HS6ST3: variants seen among roughly 807,000 people sequenced by gnomAD.
The protein encoded by HS6ST3 is heparan-sulfate 6-O-sulfotransferase 3.
In HS6ST3, 12 loss-of-function variants were observed where a neutral mutation model predicts 36.7. The ratio of observed to expected loss-of-function variants is 0.33; its 90% CI spans 0.21 to 0.53. The LOEUF (loss-of-function observed/expected upper bound fraction) is 0.53, where lower values mean the gene tolerates loss of function less well. Ranked by LOEUF, HS6ST3 falls within the 20% of genes least tolerant of loss-of-function variation. The pLI is 0.95. For synonymous variants in HS6ST3, 240 were observed against 257.5 expected (o/e 0.93, Z 0.65); for missense variants, 584 against 640.9 (o/e 0.91, Z 0.96).
intron 1 of HS6ST3, among the ~76,000 whole-genome samples, chr13:96,827,492 G>A (rs1878673828): frequency 5.3e-5 from 8 of 152,158 alleles, no homozygotes; most frequent in Admixed American, 5.2e-4. Context: ...CAAACAAAAT[G>A]TACATGAGAA....
At chr13:96,269,435 G>A (rs1003941600) in intron 1 of HS6ST3, among the ~76,000 whole-genome samples, 11 of 151,926 alleles carry the variant, frequency 7.2e-5, no homozygotes, top group African/African-American at 1.9e-4. Context: ...AAATGTGACC[G>A]CTTTGTGCGT....
chr13:96,452,742 T>G (rs2055734250), intron 1 of HS6ST3, among the ~76,000 whole-genome samples: 1 of 152,218 alleles, frequency 6.6e-6, no homozygotes, highest in African/African-American at 2.4e-5. Context: ...TATTCTTCTA[T>G]GTTTTTTATT....
At chr13:96,509,018 G>GT (rs2056038075) in intron 1 of HS6ST3, among the ~76,000 whole-genome samples, 1 of 152,058 alleles carries the variant, frequency 6.6e-6, no homozygotes, top group African/African-American at 2.4e-5. Flanking sequence ...AACATCTCTT[G>GT]TTTTTTGACT....
intron 1 of HS6ST3, among the ~76,000 whole-genome samples, chr13:96,370,709 C>T (rs1031436674): frequency 2.0e-5 from 3 of 152,210 alleles, no homozygotes; most frequent in Admixed American, 1.3e-4. Context: ...ATCAGGAGTT[C>T]GAGACCAGCC....
At chr13:96,769,734 CTGTGTGTGTGTGTGTGTG>C (rs66777701) in intron 1 of HS6ST3, among the ~76,000 whole-genome samples, 32 of 140,308 alleles carry the variant, frequency 2.3e-4, no homozygotes, top group Non-Finnish European at 4.1e-4. Flanking sequence ...ATTCCTAGCT[CTGTGTGTGTGTGTGTGTG>C]TGTGTGTGTG....
chr13:96,160,756 G>T (rs1006409401), intron 1 of HS6ST3, among the ~76,000 whole-genome samples: 1 of 152,222 alleles, frequency 6.6e-6, no homozygotes, highest in Non-Finnish European at 1.5e-5. Context: ...CTTATTTTCT[G>T]CTCCCAGAGG....
At chr13:96,386,480 T>A (rs1046800044) in intron 1 of HS6ST3, among the ~76,000 whole-genome samples, 1 of 152,194 alleles carries the variant, frequency 6.6e-6, no homozygotes, top group Non-Finnish European at 1.5e-5. Flanking sequence ...TCCCCCCAGC[T>A]TTATTGAGGA....
At chr13:96,786,040 G>C (rs1877639449) in intron 1 of HS6ST3, among the ~76,000 whole-genome samples, 1 of 152,062 alleles carries the variant, frequency 6.6e-6, no homozygotes, top group Non-Finnish European at 1.5e-5. Context: ...TAACCTAGGG[G>C]GCTCTACAGG....
At chr13:96,150,192 C>G (rs1339019979) in intron 1 of HS6ST3, among the ~76,000 whole-genome samples, 1 of 152,020 alleles carries the variant, frequency 6.6e-6, no homozygotes, top group Non-Finnish European at 1.5e-5. Flanking sequence ...AAGAGGGGAC[C>G]CTGAAAGCTG....
At chr13:96,677,225 G>T (rs1044566613) in intron 1 of HS6ST3, among the ~76,000 whole-genome samples, 1 of 152,020 alleles carries the variant, frequency 6.6e-6, no homozygotes, top group African/African-American at 2.4e-5. Context: ...GGGTTTGTTT[G>T]CATTTTGATA....
chr13:96,660,580 G>C (rs1372205485), intron 1 of HS6ST3, among the ~76,000 whole-genome samples: 1 of 152,028 alleles, frequency 6.6e-6, no homozygotes, highest in East Asian at 1.9e-4. Context: ...ACTCCTAAAA[G>C]AAAACACAGG....
At chr13:96,717,012 G>C (rs1259763226) in intron 1 of HS6ST3, among the ~76,000 whole-genome samples, 1 of 152,154 alleles carries the variant, frequency 6.6e-6, no homozygotes, top group Non-Finnish European at 1.5e-5. Flanking sequence ...ATTAGCTAAC[G>C]AGACCTGTGA....
At chr13:96,776,103 C>T (rs967055433) in intron 1 of HS6ST3, among the ~76,000 whole-genome samples, 39 of 152,076 alleles carry the variant, frequency 2.6e-4, no homozygotes, top group African/African-American at 9.2e-4. Context: ...GGGTAAATAA[C>T]GAAATGAAGG....
At chr13:96,665,031 G>A (rs752418878) in intron 1 of HS6ST3, among the ~76,000 whole-genome samples, 13 of 152,072 alleles carry the variant, frequency 8.5e-5, no homozygotes, top group South Asian at 4.1e-4. Context: ...AATTTGCTGG[G>A]CATGGTGGTG....
chr13:96,698,944 T>C (rs564165830), intron 1 of HS6ST3, among the ~76,000 whole-genome samples: 56 of 152,168 alleles, frequency 3.7e-4, no homozygotes, highest in African/African-American at 1.2e-3. Context: ...GAAATAATGC[T>C]GCATATCTAC....
intron 1 of HS6ST3, among the ~76,000 whole-genome samples, chr13:96,301,790 A>T (rs1433712859): frequency 6.6e-6 from 1 of 151,280 alleles, no homozygotes; most frequent in African/African-American, 2.4e-5. Flanking sequence ...GGTGCCTTTA[A>T]TCCCAGCTAC....
chr13:96,313,869 T>C (rs1296167102), intron 1 of HS6ST3, among the ~76,000 whole-genome samples: 1 of 152,170 alleles, frequency 6.6e-6, no homozygotes, highest in South Asian at 2.1e-4. Flanking sequence ...TAGACGAGAT[T>C]GACTTGATTG....
intron 1 of HS6ST3, among the ~76,000 whole-genome samples, chr13:96,594,576 C>G (rs905455932): frequency 4.6e-5 from 7 of 152,290 alleles, no homozygotes; most frequent in African/African-American, 1.7e-4. Context: ...CACACTCTGA[C>G]ACACACACGT....
chr13:96,653,349 T>A (rs1394746631), intron 1 of HS6ST3, among the ~76,000 whole-genome samples: 1 of 152,124 alleles, frequency 6.6e-6, no homozygotes, highest in Non-Finnish European at 1.5e-5. Flanking sequence ...ACTAATGCTA[T>A]TCCTCCCCTA....
Sources: gnomAD v4.1 joint callset for allele counts (sites outside exome capture counted in the v4.1 genomes callset) on GRCh38, gnomAD v4.1.1 for gene constraint, MANE v1.5 for transcripts, NCBI Gene and HGNC (gene_info 2026-07-23, HGNC 2026-07-21) for gene names.